Variants in VCPKMT observed in about 807,000 individuals in gnomAD.
VCPKMT encodes the protein valosin containing protein lysine methyltransferase.
Under a neutral mutation model 28.6 loss-of-function variants are expected in VCPKMT, and 32 were observed. The observed-to-expected ratio is 1.12, with a 90% CI of 0.84 to 1.50. The LOEUF is 1.50. Among genes scored for constraint, VCPKMT ranks in the 40% most tolerant of loss-of-function variants. The pLI is 0.00. For synonymous variants in VCPKMT, 138 were observed against 111.4 expected, an observed-to-expected ratio of 1.24 and a Z score of -1.50; for missense variants, 366 against 285.0, an observed-to-expected ratio of 1.28 and a Z score of -2.05.
intron 3 of VCPKMT, 146 bp from the exon 4 acceptor site, chr14:50,114,550 T>G: frequency 1.8e-6 from 1 of 555,592 alleles, no homozygotes; most frequent in Non-Finnish European, 2.9e-6. Flanking sequence ...TAATTAAAGC[T>G]CTAGGCTAGG....
chr14:50,112,534 C>T (rs1196761728), intron 5 of VCPKMT, 81 bp downstream of exon 5: 5 of 852,492 alleles, frequency 5.9e-6, no homozygotes, highest in Non-Finnish European at 9.3e-6. Flanking sequence ...AAAATCAACG[C>T]CCATACCACA....
rs141218913 is a variant in VCPKMT, at chr14:50,110,125, T to C, written c.676-412A>G. On this transcript the variant is annotated intron_variant, in intron 5 of 5. Transcript: ENST00000395860. Reference sequence around the variant, plus strand: ...AGCTGGGCGTCGTGGCACATGCCTTTAGTCCTAGCTACTTGGGAGGCTCAC... The same window carrying C: ...AGCTGGGCGTCGTGGCACATGCCTTCAGTCCTAGCTACTTGGGAGGCTCAC... 1.2e-4 allele frequency among the ~76,000 whole-genome samples: 19 copies of C among 152,272 alleles called. No homozygotes were observed. In the East Asian group the frequency reaches 3.7e-3, roughly 29 times the overall value.
intron 5 of VCPKMT, chr14:50,111,650 G>T: frequency 1.0e-6 from 1 of 980,688 alleles, no homozygotes; most frequent in Non-Finnish European, 1.2e-6. Flanking sequence ...GGCCGAGGTG[G>T]GCAGGTCACT....
At position 50,114,345 on chromosome 14, in the gene VCPKMT, T is replaced by C. The variant is rs1882945683; in HGVS notation, c.510A>G (p.Ile170Met). 6.3e-7 allele frequency: 1 copy of C among 1,593,706 alleles called. No homozygotes were observed. Among genetic ancestry groups the C allele is most frequent in the Non-Finnish European group, 8.5e-7 (1 of 1,172,734 alleles). ...CCATTGTTCGTTGTTCATAACAACA[T>C]ATAATACAAGTTTCAAATCCGCTGA... ...KDISGFETCIICCYEQRTMGK... is the reference protein window; with the variant it reads ...KDISGFETCIMCCYEQRTMGK... The change falls in exon 4 of 6, where the codon ATA (isoleucine) becomes ATG (methionine). Residue 170 changes from isoleucine (I) to methionine (M), a missense_variant. Physicochemically the swap from Ile to Met is conservative, Grantham distance 10. Coordinates refer to ENST00000395860, the MANE Select transcript of VCPKMT (RefSeq NM_024558.3).
At chr14:50,107,725 G>C (rs985896559), downstream of VCPKMT, among the ~76,000 whole-genome samples, 1 of 152,194 alleles carries the variant, frequency 6.6e-6, no homozygotes, top group East Asian at 1.9e-4. Context: ...CGAACAGGAA[G>C]GGGGAGGAAG....
At chr14:50,114,857 A>AAAAC (rs1187197878) in intron 3 of VCPKMT, among the ~76,000 whole-genome samples, 5 of 152,152 alleles carry the variant, frequency 3.3e-5, no homozygotes, top group Admixed American at 1.3e-4. Flanking sequence ...TCTTAAAACA[A>AAAAC]AAACAAACAA....
rs1293811667 is a variant in VCPKMT, at chr14:50,109,519, A to G, written c.*180T>C. The G allele has an allele frequency of 3.8e-5, 50 of 1,313,216 alleles. No homozygotes were observed. The highest frequency in any genetic ancestry group is 4.5e-5 in the Non-Finnish European group (47 of 1,033,996). The allele number at this position is 1,313,216 out of a possible 1,614,324, so 81.3% of individuals were successfully genotyped here. ...AGGGCCATTGGCAGGCAGGCAGGCA[A>G]GCAGGAATTTTTCGTATTGCAGACA... On this transcript the variant is annotated 3_prime_UTR_variant, in exon 6 of 6. Transcript: ENST00000395860.
chr14:50,108,482 A>G, downstream of VCPKMT: 5 of 557,516 alleles, frequency 9.0e-6, no homozygotes, highest in Non-Finnish European at 1.1e-5. Context: ...GGAAACCAGC[A>G]AAGGAAACTT....
chr14:50,104,144 T>C (rs1191091241), downstream of VCPKMT, among the ~76,000 whole-genome samples: 1 of 152,240 alleles, frequency 6.6e-6, no homozygotes, highest in African/African-American at 2.4e-5. Context: ...TGACACTGTT[T>C]TCAGAATGCA....
rs1417878956 is a variant in VCPKMT at position 50,111,415 on chromosome 14, TTTGC to T, written c.675+1196_675+1199del. The T allele has an allele frequency of 8.1e-6, 8 of 985,332 alleles. No homozygotes were observed. In the African/African-American group the frequency reaches 1.4e-4, roughly 17 times the overall value. The allele number at this position is 985,332 out of a possible 1,614,324, so 61.0% of individuals were successfully genotyped here. Reference sequence around the variant, plus strand: ...ACCTACTTCTGTTCCCTAAGTTTTATTTGCTTTTGACTAGAATTCATATAATCAG... The same window carrying T: ...ACCTACTTCTGTTCCCTAAGTTTTATTTTTGACTAGAATTCATATAATCAG... On this transcript the variant is annotated intron_variant, in intron 5 of 5. Transcript: ENST00000395860.
chr14:50,115,002 C>T (rs1252451519), intron 3 of VCPKMT, among the ~76,000 whole-genome samples: 1 of 152,180 alleles, frequency 6.6e-6, no homozygotes, highest in Non-Finnish European at 1.5e-5. Context: ...ATCAACCTTA[C>T]TCTTAAAAGT....
intron 4 of VCPKMT, 73 bp from the exon 5 acceptor site, chr14:50,112,792 C>T (rs921099462): frequency 1.9e-5 from 21 of 1,113,616 alleles, no homozygotes; most frequent in Admixed American, 5.1e-5. Context: ...AGTCAGAATG[C>T]TGGTTACTTT....
Position 50,109,572 on chromosome 14 carries a change from G to C in VCPKMT, c.*127C>G. On this transcript the variant is annotated 3_prime_UTR_variant, in exon 6 of 6. Coordinates refer to ENST00000395860, the MANE Select transcript of VCPKMT (RefSeq NM_024558.3). ...CCCTGGTGGTCATCATCTATACATC[G>C]GATCTCTAAGGACGTGCCGGAAAAA... The C allele has an allele frequency of 7.1e-7, 1 of 1,417,402 alleles. No individual in the cohort carries two copies. Among genetic ancestry groups the C allele is most frequent in the East Asian group, 2.8e-5 (1 of 36,222 alleles). 87.8% of individuals were successfully genotyped at this position (1,417,402 alleles called of 1,614,324 possible).
At chr14:50,108,588 T>C (rs1452055485), downstream of VCPKMT, 1 of 985,556 alleles carries the variant, frequency 1.0e-6, no homozygotes, top group Non-Finnish European at 1.2e-6. Context: ...GTTAACTGTT[T>C]AGATGTTCAC....
intron 5 of VCPKMT, among the ~76,000 whole-genome samples, chr14:50,110,869 G>C (rs867121792): frequency 6.6e-6 from 1 of 152,194 alleles, no homozygotes; most frequent in African/African-American, 2.4e-5. Flanking sequence ...GATAAGGCTC[G>C]AGAATACTGT....
the VCPKMT span, among the ~76,000 whole-genome samples, chr14:50,103,626 G>A: frequency 2.6e-5 from 4 of 152,250 alleles, no homozygotes; most frequent in South Asian, 2.1e-4. Context: ...TCGAATGCTC[G>A]TGGCAGTTGC....
chr14:50,112,842 A>AGT (rs935293248), intron 4 of VCPKMT, 123 bp from the exon 5 acceptor site: 1 of 591,788 alleles, frequency 1.7e-6, no homozygotes, highest in Non-Finnish European at 2.8e-6. Flanking sequence ...GCTGGAGTGC[A>AGT]GTGGTGCGAT....
rs770382377 is a variant in VCPKMT at position 50,109,586 on chromosome 14, G to A, written c.*113C>T. 90 of 1,450,370 alleles carry A rather than the reference G, an allele frequency of 6.2e-5. No individual in the cohort carries two copies. The highest frequency in any genetic ancestry group is 1.6e-4 in the African/African-American group (11 of 68,144). The allele number at this position is 1,450,370 out of a possible 1,614,324, so 89.8% of individuals were successfully genotyped here. On this transcript the variant is annotated 3_prime_UTR_variant, in exon 6 of 6. Transcript: ENST00000395860. ...ATCTATACATCGGATCTCTAAGGACGTGCCGGAAAAAAAAATCTGTGAACA... is the reference window on the plus strand; with the variant it reads ...ATCTATACATCGGATCTCTAAGGACATGCCGGAAAAAAAAATCTGTGAACA...
chr14:50,110,404 A>C (rs1566804343), intron 5 of VCPKMT, among the ~76,000 whole-genome samples: 1 of 152,238 alleles, frequency 6.6e-6, no homozygotes, highest in African/African-American at 2.4e-5. Context: ...ACTCAAAGTA[A>C]AAAGACAAAT....
Sources: allele counts gnomAD v4.1 joint callset (sites outside exome capture counted in the v4.1 genomes callset), GRCh38; gene constraint gnomAD v4.1.1; transcripts MANE v1.5; gene names NCBI Gene and HGNC (gene_info 2026-07-23, HGNC 2026-07-21).